MAGI1: variants seen among roughly 807,000 people sequenced by gnomAD.
MAGI1 encodes the protein membrane-associated guanylate kinase, WW and PDZ domain-containing protein 1.
MAGI1 carries 58 observed loss-of-function variants against 139.9 expected under a neutral mutation model. The observed-to-expected ratio is 0.41, with a 90% CI of 0.34 to 0.52. The LOEUF (loss-of-function observed/expected upper bound fraction) is 0.52. Ranked by LOEUF, MAGI1 falls within the 20% of genes least tolerant of loss-of-function variation. MAGI1 has a pLI of 0.12. For synonymous variants in MAGI1, 812 were observed against 737.9 expected (o/e 1.10, Z -1.63); for missense variants, 1,874 against 1,901.6 (o/e 0.99, Z 0.27).
intron 1 of MAGI1, among the ~76,000 whole-genome samples, chr3:65,894,156 A>G (rs1366407283): frequency 6.6e-6 from 1 of 152,194 alleles, no homozygotes; most frequent in East Asian, 1.9e-4. Context: ...CCCTATGGAA[A>G]GAATCTCAAA....
rs1370746634 is a variant in MAGI1, at chr3:65,429,671, A to C, written c.2016T>G (p.Val672=). 6.2e-7 allele frequency: 1 copy of C among 1,613,934 alleles called. No individual in the cohort carries two copies. The highest frequency in any genetic ancestry group is 1.7e-5 in the Admixed American group (1 of 59,958). The change falls in exon 12 of 23, where the codon GTT becomes GTG. Residue 672 remains valine, a synonymous_variant. Coordinates refer to ENST00000402939, the MANE Select transcript of MAGI1 (RefSeq NM_001033057.2). ...TCAGGCCTCGGCACCTTGGGCTGTC[A>C]ACAATCTGTTTCACTCTTTGGCCAC... ...GGGGQRVKQI[V]DSPRCRGLKE...
At chr3:65,710,184 C>A (rs1485513010) in intron 1 of MAGI1, among the ~76,000 whole-genome samples, 1 of 148,634 alleles carries the variant, frequency 6.7e-6, no homozygotes, top group South Asian at 2.1e-4. Flanking sequence ...AGAAGGCAGA[C>A]AAGCGATCAG....
intron 2 of MAGI1, among the ~76,000 whole-genome samples, chr3:65,617,627 T>C (rs867530506): frequency 1.2e-4 from 19 of 152,104 alleles, no homozygotes; most frequent in African/African-American, 3.9e-4. Flanking sequence ...GTGCTTCGAG[T>C]ACCAGCCAAG....
intron 1 of MAGI1, among the ~76,000 whole-genome samples, chr3:65,664,908 T>A (rs2086416030): frequency 6.6e-6 from 1 of 152,202 alleles, no homozygotes; most frequent in South Asian, 2.1e-4. Context: ...GTCTATATAG[T>A]GTTTCTAAGT....
chr3:65,666,869 T>A (rs536299559), intron 1 of MAGI1, among the ~76,000 whole-genome samples: 7 of 152,316 alleles, frequency 4.6e-5, no homozygotes, highest in Admixed American at 1.3e-4. Flanking sequence ...CCTTTGCTCA[T>A]GACCACAGGC....
chr3:65,437,965 G>A (rs1020587752), intron 9 of MAGI1, among the ~76,000 whole-genome samples: 2 of 152,104 alleles, frequency 1.3e-5, no homozygotes, highest in Non-Finnish European at 2.9e-5. Context: ...ATACACTGTC[G>A]ATGAGAATGT....
At chr3:65,509,100 C>A (rs2077431936) in intron 2 of MAGI1, among the ~76,000 whole-genome samples, 1 of 152,204 alleles carries the variant, frequency 6.6e-6, no homozygotes, top group South Asian at 2.1e-4. Flanking sequence ...GGGAAACCCA[C>A]ATTTTTGCCC....
At chr3:66,026,110 A>G (rs2068246195) in intron 1 of MAGI1, among the ~76,000 whole-genome samples, 1 of 152,084 alleles carries the variant, frequency 6.6e-6, no homozygotes, top group Admixed American at 6.6e-5. Context: ...ACAGGCTGAT[A>G]GATGGAGGAG....
chr3:65,621,025 T>TA (rs397724946), intron 2 of MAGI1, among the ~76,000 whole-genome samples: 10 of 151,666 alleles, frequency 6.6e-5, no homozygotes, highest in South Asian at 2.1e-4. Flanking sequence ...GTTTTTTTTT[T>TA]AAAAGAAAAC....
Position 65,622,050 on chromosome 3 carries a change from G to A in MAGI1, c.352C>T (p.Gln118Ter). 6.2e-7 allele frequency: 1 copy of A among 1,614,052 alleles called. No homozygotes were observed. Among genetic ancestry groups the A allele is most frequent in the South Asian group, 1.1e-5 (1 of 91,076 alleles). ...TCAGGAGACCCCTTCTGGAATCGCTGATTGAGAAAATGTCGCAGGTCCTTG... is the reference window on the plus strand; with the variant it reads ...TCAGGAGACCCCTTCTGGAATCGCTAATTGAGAAAATGTCGCAGGTCCTTG... ...LNKDLRHFLN[Q>*]RFQKGSPDHE... Residue 118 changes from glutamine to a stop codon, truncating the protein, a stop_gained, in exon 2 of 23, where the codon CAG becomes TAG. Coordinates refer to ENST00000402939, the MANE Select transcript of MAGI1 (RefSeq NM_001033057.2). LOFTEE classifies it high-confidence loss of function.
intron 2 of MAGI1, among the ~76,000 whole-genome samples, chr3:65,605,090 T>C (rs1478819929): frequency 1.3e-5 from 2 of 152,202 alleles, no homozygotes; most frequent in African/African-American, 4.8e-5. Context: ...CTAACAAAGA[T>C]AAAGTTCCAG....
chr3:65,515,116 AC>A (rs2077798840), intron 2 of MAGI1, among the ~76,000 whole-genome samples: 1 of 128,714 alleles, frequency 7.8e-6, no homozygotes, highest in Admixed American at 8.6e-5. Context: ...CAATGAGATC[AC>A]ATGGACACAG....
At chr3:65,489,223 G>A (rs572698223) in intron 3 of MAGI1, among the ~76,000 whole-genome samples, 7 of 152,116 alleles carry the variant, frequency 4.6e-5, no homozygotes, top group Non-Finnish European at 1.0e-4. Flanking sequence ...CACCTACTAT[G>A]TGCCACACAA....
chr3:65,550,366 T>C (rs919538372), intron 2 of MAGI1, among the ~76,000 whole-genome samples: 1 of 152,190 alleles, frequency 6.6e-6, no homozygotes, highest in African/African-American at 2.4e-5. Context: ...CTCTCCATGC[T>C]ACTGTTTTTA....
At chr3:65,423,322 C>T (rs200823390) in intron 12 of MAGI1, among the ~76,000 whole-genome samples, 4 of 152,154 alleles carry the variant, frequency 2.6e-5, no homozygotes, top group East Asian at 1.9e-4. Flanking sequence ...CATGGCTTAC[C>T]GTGGTTCTAA....
chr3:66,034,474 A>G (rs556412520), intron 1 of MAGI1, among the ~76,000 whole-genome samples: 5 of 152,344 alleles, frequency 3.3e-5, no homozygotes, highest in African/African-American at 9.6e-5. Context: ...CCAAGCACCT[A>G]TTATATTCTA....
At chr3:65,547,718 G>A (rs146138788) in intron 2 of MAGI1, among the ~76,000 whole-genome samples, 5 of 152,272 alleles carry the variant, frequency 3.3e-5, no homozygotes, top group African/African-American at 9.6e-5. Context: ...ATTCTTGGTG[G>A]CTGAGTGTAT....
At chr3:65,849,587 G>C (rs186146202) in intron 1 of MAGI1, among the ~76,000 whole-genome samples, 67 of 151,430 alleles carry the variant, frequency 4.4e-4, no homozygotes, top group African/African-American at 1.6e-3. Context: ...AGGGTTGCTG[G>C]TCTGTTATTG....
intron 1 of MAGI1, among the ~76,000 whole-genome samples, chr3:65,636,493 C>T (rs1439558841): frequency 6.6e-6 from 1 of 152,146 alleles, no homozygotes; most frequent in Non-Finnish European, 1.5e-5. Flanking sequence ...AATTAGGACA[C>T]TCACTGGCCA....
Sources: gnomAD v4.1 joint callset for allele counts (sites outside exome capture counted in the v4.1 genomes callset) on GRCh38, gnomAD v4.1.1 for gene constraint, MANE v1.5 for transcripts, NCBI Gene and HGNC (gene_info 2026-07-23, HGNC 2026-07-21) for gene names.